MMEL1: variants seen among roughly 807,000 people sequenced by gnomAD.
The protein encoded by MMEL1 is membrane metalloendopeptidase like 1, also known as membrane metallo-endopeptidase-like 1.
A neutral mutation model predicts 117.1 loss-of-function variants in MMEL1; 98 were observed. That is an observed-to-expected ratio of 0.84 (90% CI 0.71 to 0.99). MMEL1 has a LOEUF of 0.99. Ranked by LOEUF, MMEL1 falls within the 50% of genes least tolerant of loss-of-function variation. The pLI is 0.00. For missense variants in MMEL1, 1,014 were observed against 1,049.1 expected, an observed-to-expected ratio of 0.97 and a Z score of 0.46; for synonymous variants, 390 against 415.1, an observed-to-expected ratio of 0.94 and a Z score of 0.74.
intron 6 of MMEL1, among the ~76,000 whole-genome samples, chr1:2,608,230 C>T (rs940832529): frequency 1.3e-5 from 2 of 152,096 alleles, no homozygotes; most frequent in East Asian, 1.9e-4. Flanking sequence ...GGAGGCTCCA[C>T]GAGACCCCCT....
rs1644710605 is a variant in MMEL1, at chr1:2,591,590, A to G, written c.2207T>C (p.Ile736Thr). 1 of 1,583,256 alleles carries G rather than the reference A, an allele frequency of 6.3e-7. No homozygotes were observed. Among genetic ancestry groups the G allele is most frequent in the Non-Finnish European group, 8.6e-7 (1 of 1,162,638 alleles). The change falls in exon 23 of 24, where the codon ATC (isoleucine) becomes ACC (threonine). Residue 736 changes from isoleucine (I) to threonine (T), a missense_variant. Physicochemically the swap from Ile to Thr is moderately conservative, Grantham distance 89 (BLOSUM62 -1). Coordinates refer to ENST00000378412, the MANE Select transcript of MMEL1 (RefSeq NM_033467.4). ...CAGGGGACTGTGGACGTCTGTCTTG[A>G]TGGATTGGATGGCGAACTCGGGCCG... ...SYRPEFAIQS[I>T]KTDVHSPLKY...
chr1:2,619,199 GACAGAGC>G (rs1645252096), intron 2 of MMEL1, among the ~76,000 whole-genome samples: 1 of 152,186 alleles, frequency 6.6e-6, no homozygotes, highest in African/African-American at 2.4e-5. Flanking sequence ...AAGTTACATG[GACAGAGC>G]ACCCCAGCTG....
chr1:2,590,819 C>G lies in MMEL1; in HGVS notation c.*171G>C, dbSNP rs1267875527. ...GTACTGCACTGGACACTGCTCATCC[C>G]TGGGTGTCAGGCAGGTGGCTGCACC... On this transcript the variant is annotated 3_prime_UTR_variant, in exon 24 of 24. Transcript: ENST00000378412. The G allele has an allele frequency of 2.1e-6, 1 of 474,406 alleles. No individual in the cohort carries two copies. Among genetic ancestry groups the G allele is most frequent in the African/African-American group, 2.0e-5 (1 of 49,422 alleles). 29.4% of individuals were successfully genotyped at this position (474,406 alleles called of 1,614,324 possible).
rs1570633488 is a variant in MMEL1 at position 2,590,822 on chromosome 1, G to A, written c.*168C>T. On this transcript the variant is annotated 3_prime_UTR_variant, in exon 24 of 24. Coordinates refer to ENST00000378412, the MANE Select transcript of MMEL1 (RefSeq NM_033467.4). ...CTGCACTGGACACTGCTCATCCCTG[G>A]GTGTCAGGCAGGTGGCTGCACCCTA... The A allele has an allele frequency of 6.3e-6, 3 of 474,424 alleles. No homozygotes were observed. Among genetic ancestry groups the A allele is most frequent in the Non-Finnish European group, 1.1e-5 (3 of 274,858 alleles). The allele number at this position is 474,424 out of a possible 1,614,324, so 29.4% of individuals were successfully genotyped here.
intron 2 of MMEL1, among the ~76,000 whole-genome samples, chr1:2,613,201 G>A (rs10752748): frequency 0.39 from 59,704 of 152,086 alleles, 12,373 homozygotes; most frequent in East Asian, 0.51. Context: ...AGAAAGTGCC[G>A]CATGCTGCAT....
At chr1:2,605,891 C>A (rs1035489045) in intron 8 of MMEL1, among the ~76,000 whole-genome samples, 1 of 152,170 alleles carries the variant, frequency 6.6e-6, no homozygotes, top group Non-Finnish European at 1.5e-5. Flanking sequence ...GCGGCTCCCC[C>A]AGAGTGGGGC....
Position 2,592,912 on chromosome 1 carries a change from G to A in MMEL1, c.1922C>T (p.Thr641Ile). ...CTCTGACTGCTCCCGGAAGTGCTGG[G>A]TGGAGAAGTTACTCCACCAATCCAT... ...NMMDWWSNFS[T>I]QHFREQSECM... Residue 641 changes from threonine to isoleucine, a missense_variant, in exon 20 of 24, where the codon ACC (threonine) becomes ATC (isoleucine). Coordinates refer to ENST00000378412, the MANE Select transcript of MMEL1 (RefSeq NM_033467.4). 1 of 1,613,788 alleles carries A rather than the reference G, an allele frequency of 6.2e-7. No individual in the cohort carries two copies.
At chr1:2,623,428 T>C (rs1645321427) in intron 2 of MMEL1, among the ~76,000 whole-genome samples, 1 of 152,220 alleles carries the variant, frequency 6.6e-6, no homozygotes, top group South Asian at 2.1e-4. Flanking sequence ...GCACAACTTT[T>C]TGGAGCCCAT....
chr1:2,620,898 G>C (rs1256383427), intron 2 of MMEL1, among the ~76,000 whole-genome samples: 1 of 152,066 alleles, frequency 6.6e-6, no homozygotes, highest in South Asian at 2.1e-4. Flanking sequence ...CCTGAAAAAC[G>C]AGTTCAGGCC....
chr1:2,632,796 AGGAGAGGGCCT>A, intron 1 of MMEL1, 59 bp downstream of exon 1: 1 of 920,802 alleles, frequency 1.1e-6, no homozygotes, highest in Non-Finnish European at 1.3e-6. Flanking sequence ...TTCAAGGCCC[AGGAGAGGGCCT>A]GGAGAGGGTT....
At chr1:2,631,041 G>T (rs559180853) in intron 1 of MMEL1, among the ~76,000 whole-genome samples, 4 of 151,688 alleles carry the variant, frequency 2.6e-5, no homozygotes, top group Non-Finnish European at 4.4e-5. Context: ...GTGTGTGTGG[G>T]TGTGCACGTG....
intron 9 of MMEL1, among the ~76,000 whole-genome samples, 197 bp from the exon 10 acceptor site, chr1:2,604,478 G>A (rs1363575482): frequency 6.6e-6 from 1 of 152,238 alleles, no homozygotes; most frequent in Non-Finnish European, 1.5e-5. Context: ...CCGAGCCACT[G>A]GACGGGGTAC....
At chr1:2,613,572 C>T (rs1645161182) in intron 2 of MMEL1, among the ~76,000 whole-genome samples, 1 of 152,154 alleles carries the variant, frequency 6.6e-6, no homozygotes, top group South Asian at 2.1e-4. Flanking sequence ...CCCACGAGAG[C>T]TGAGGACATA....
chr1:2,602,408 C>T (rs772395172), intron 11 of MMEL1, among the ~76,000 whole-genome samples: 5 of 152,320 alleles, frequency 3.3e-5, no homozygotes, highest in East Asian at 1.9e-4. Context: ...GATGTCTCCA[C>T]GGCAACCTCA....
chr1:2,611,626 C>G (rs1570690856), intron 3 of MMEL1, among the ~76,000 whole-genome samples: 1 of 152,192 alleles, frequency 6.6e-6, no homozygotes, highest in South Asian at 2.1e-4. Flanking sequence ...GTGGCCCAGG[C>G]CTGAGGCCTT....
intron 1 of MMEL1, among the ~76,000 whole-genome samples, chr1:2,632,307 G>C (rs904722702): frequency 2.0e-5 from 3 of 152,202 alleles, no homozygotes; most frequent in African/African-American, 7.2e-5. Flanking sequence ...GGCACCCTCT[G>C]TGGGGGCCGC....
At chr1:2,632,399 G>C (rs1270673979) in intron 1 of MMEL1, among the ~76,000 whole-genome samples, 7 of 152,228 alleles carry the variant, frequency 4.6e-5, no homozygotes, top group Admixed American at 4.6e-4. Flanking sequence ...TGAATGAATG[G>C]ATCAATCATT....
intron 1 of MMEL1, among the ~76,000 whole-genome samples, chr1:2,631,867 C>T (rs764697609): frequency 2.8e-4 from 43 of 152,184 alleles, no homozygotes; most frequent in Non-Finnish European, 4.7e-4. Flanking sequence ...TTCCAGGCCC[C>T]ACCAATCACC....
chr1:2,630,541 GTC>G (rs200835602), intron 1 of MMEL1, among the ~76,000 whole-genome samples: 3,661 of 145,822 alleles, frequency 0.025, 143 homozygotes, highest in African/African-American at 0.085. Context: ...GATATGCACT[GTC>G]TACGCTCATG....
Sources: gnomAD v4.1 joint callset for allele counts (sites outside exome capture counted in the v4.1 genomes callset) on GRCh38, gnomAD v4.1.1 for gene constraint, MANE v1.5 for transcripts, NCBI Gene and HGNC (gene_info 2026-07-23, HGNC 2026-07-21) for gene names.